The following MTMR8 variants were observed in gnomAD, a reference collection of about 807,000 sequenced individuals.
MTMR8 encodes myotubularin related protein 8.
In MTMR8, 65 loss-of-function variants were observed where a neutral mutation model predicts 39.3. That is an observed-to-expected ratio of 1.65 (90% CI 1.35 to 2.03). The LOEUF is 2.03. Ranked by LOEUF, MTMR8 falls within the 30% of genes most tolerant of loss-of-function variation. The pLI is 0.00. For synonymous variants in MTMR8, 245 were observed against 185.2 expected (o/e 1.32, Z -2.62); for missense variants, 777 against 538.9 (o/e 1.44, Z -4.37).
rs749879321 is a variant in MTMR8, at chrX:64,289,636, CAAAA to C, written c.1482-18567_1482-18564del. On this transcript the variant is annotated intron_variant, in intron 12 of 13. Coordinates refer to ENST00000374852, the MANE Select transcript of MTMR8 (RefSeq NM_017677.4). ...TGGGTGACAGAGTGAGACTCCATCG[CAAAA>C]AAAAAAAAAAAAAAAAAAAAATTAA... Among the ~76,000 whole-genome samples the C allele has an allele frequency of 6.4e-4, 17 of 26,422 alleles. No homozygotes were observed. In the South Asian group the frequency reaches 9.7e-3, roughly 15 times the overall value. 22.9% of individuals were successfully genotyped at this position (26,422 alleles called of 115,157 possible). A position where few individuals can be genotyped will look rare whatever the true frequency, so the allele number is the denominator to read the frequency against.
At chrX:64,388,899 A>G (rs1230073991) in intron 1 of MTMR8, among the ~76,000 whole-genome samples, 1 of 111,760 alleles carries the variant, frequency 8.9e-6, no homozygotes, top group Admixed American at 9.5e-5. Flanking sequence ...TTTAAAACAA[A>G]TTATCTTGTG....
chrX:64,361,387 T>C (rs1472835488), intron 1 of MTMR8, among the ~76,000 whole-genome samples: 2 of 111,644 alleles, frequency 1.8e-5, no homozygotes, highest in Non-Finnish European at 3.8e-5. Flanking sequence ...AAGACAATTA[T>C]AAAGTAAGAA....
chrX:64,359,518 C>A lies in MTMR8; in HGVS notation c.34G>T (p.Val12Leu). 3 of 1,194,693 alleles carry A rather than the reference C, an allele frequency of 2.5e-6. No homozygotes were observed. The highest frequency in any genetic ancestry group is 1.7e-5 in the African/African-American group (1 of 57,260). Reference sequence around the variant, plus strand: ...CTCACATAACGATCCACCAATTTCACGTTTTCTACCTGTTATTGGAGGAAA... The same window carrying A: ...CTCACATAACGATCCACCAATTTCAAGTTTTCTACCTGTTATTGGAGGAAA... ...DHITVPKVEN[V>L]KLVDRYVSKK... The change falls in exon 2 of 14, where the codon GTG (valine) becomes TTG (leucine). Residue 12 changes from valine (V) to leucine (L), a missense_variant. Coordinates refer to ENST00000374852, the MANE Select transcript of MTMR8 (RefSeq NM_017677.4).
At chrX:64,378,038 G>T (rs1209788014) in intron 1 of MTMR8, among the ~76,000 whole-genome samples, 1 of 111,644 alleles carries the variant, frequency 9.0e-6, no homozygotes, top group African/African-American at 3.3e-5. Flanking sequence ...TTCACCTTCT[G>T]CCATGACTGT....
At chrX:64,324,406 G>A (rs775494049) in intron 12 of MTMR8, among the ~76,000 whole-genome samples, 6 of 110,645 alleles carry the variant, frequency 5.4e-5, no homozygotes, top group African/African-American at 1.3e-4. Flanking sequence ...GAAAGAGGAC[G>A]GACTTGGTGG....
intron 5 of MTMR8, 71 bp downstream of exon 5, chrX:64,349,871 G>A (rs1247786759): frequency 1.7e-5 from 16 of 928,577 alleles, no homozygotes; most frequent in Non-Finnish European, 2.1e-5. Context: ...CTACTAAGTG[G>A]CAGCATGAAA....
At chrX:64,380,919 T>C (rs765071510) in intron 1 of MTMR8, among the ~76,000 whole-genome samples, 2 of 112,024 alleles carry the variant, frequency 1.8e-5, no homozygotes, top group Non-Finnish European at 3.8e-5. Flanking sequence ...ACAAAGGACA[T>C]GAACTCATCA....
chrX:64,287,318 T>C (rs1335807905), intron 12 of MTMR8, among the ~76,000 whole-genome samples: 51 of 110,946 alleles, frequency 4.6e-4, no homozygotes, highest in African/African-American at 1.7e-3. Context: ...TAAAAGAGGA[T>C]ACAAACAAAT....
At chrX:64,278,550 T>G (rs936917096) in intron 12 of MTMR8, among the ~76,000 whole-genome samples, 1 of 86,515 alleles carries the variant, frequency 1.2e-5, no homozygotes, top group Non-Finnish European at 2.1e-5. Context: ...CTCAGCTCAC[T>G]GCAACCTCCG....
chrX:64,331,750 G>A lies in MTMR8; in HGVS notation c.1159C>T (p.His387Tyr). The change falls in exon 11 of 14, where the codon CAC (histidine) becomes TAC (tyrosine). Residue 387 changes from histidine to tyrosine, a missense_variant. His to Tyr is a moderately conservative substitution (Grantham distance 83). Transcript: ENST00000374852. ...ACTTCTTTAGAGTCCCCATCGAGGT[G>A]GCCACACCTGAGAGATGAAAATAAA... ...MGHKFSQRCG[H>Y]LDGDSKEVSP... 1 of 1,203,342 alleles carries A rather than the reference G, an allele frequency of 8.3e-7. No homozygotes were observed. The highest frequency in any genetic ancestry group is 3.0e-5 in the East Asian group (1 of 33,768).
At chrX:64,389,444 C>T (rs977477255) in intron 1 of MTMR8, among the ~76,000 whole-genome samples, 3 of 112,049 alleles carry the variant, frequency 2.7e-5, no homozygotes, top group African/African-American at 9.7e-5. Flanking sequence ...AAAACAAATC[C>T]CAGTGGTTTC....
At chrX:64,338,992 T>C (rs1923147832) in intron 8 of MTMR8, among the ~76,000 whole-genome samples, 1 of 110,923 alleles carries the variant, frequency 9.0e-6, no homozygotes. Context: ...TGTAAGAAGA[T>C]TTATGTTTTG....
chrX:64,285,559 C>G (rs1350826439), intron 12 of MTMR8, among the ~76,000 whole-genome samples: 1 of 111,712 alleles, frequency 9.0e-6, no homozygotes, highest in East Asian at 2.8e-4. Flanking sequence ...CCAAAACTGA[C>G]CACATAGTTG....
rs1184831978 is a variant in MTMR8 at position 64,360,695 on chromosome X, C to G, written c.25-1168G>C. 4.5e-5 allele frequency among the ~76,000 whole-genome samples: 5 copies of G among 111,086 alleles called. No individual in the cohort carries two copies. In the East Asian group the frequency reaches 1.4e-3, roughly 31 times the overall value. ...ACACAATAGCTTATTACTAAATTAA[C>G]CTTGGGTTAAAAAGAAAAAGGAAAG... On this transcript the variant is annotated intron_variant, in intron 1 of 13. Transcript: ENST00000374852.
At chrX:64,330,781 C>A (rs185306912) in intron 11 of MTMR8, among the ~76,000 whole-genome samples, 1 of 111,769 alleles carries the variant, frequency 8.9e-6, no homozygotes, top group African/African-American at 3.2e-5. Flanking sequence ...GGAACAGCTA[C>A]TATTCAGCTC....
At chrX:64,308,921 G>T (rs1220016388) in intron 12 of MTMR8, among the ~76,000 whole-genome samples, 12 of 111,537 alleles carry the variant, frequency 1.1e-4, no homozygotes, top group African/African-American at 3.9e-4. Context: ...TATTTCTGTG[G>T]GTCAATTTCT....
intron 1 of MTMR8, among the ~76,000 whole-genome samples, chrX:64,384,301 C>T (rs111376993): frequency 0.018 from 2,022 of 110,694 alleles, 21 homozygotes; most frequent in Non-Finnish European, 0.027. Flanking sequence ...GTGAATGCCT[C>T]CAGGTTTTTC....
intron 8 of MTMR8, among the ~76,000 whole-genome samples, chrX:64,342,576 T>A (rs1383879251): frequency 8.9e-6 from 1 of 112,434 alleles, no homozygotes; most frequent in Non-Finnish European, 1.9e-5. Flanking sequence ...TATATGGATG[T>A]AGAATCTATG....
At chrX:64,291,640 G>A (rs188884040) in intron 12 of MTMR8, among the ~76,000 whole-genome samples, 1 of 111,440 alleles carries the variant, frequency 9.0e-6, no homozygotes, top group East Asian at 2.8e-4. Context: ...TGGAATTTTG[G>A]TGATGACCAG....
Sources: allele counts gnomAD v4.1 joint callset (sites outside exome capture counted in the v4.1 genomes callset), GRCh38; gene constraint gnomAD v4.1.1; transcripts MANE v1.5; gene names NCBI Gene and HGNC (gene_info 2026-07-23, HGNC 2026-07-21).